The following NLRC5 variants were observed in gnomAD, a reference collection of about 807,000 sequenced individuals.
The protein encoded by NLRC5 is NLR family CARD domain containing 5.
A neutral mutation model predicts 206.9 loss-of-function variants in NLRC5; 114 were observed. The ratio of observed to expected loss-of-function variants is 0.55; its 90% CI spans 0.47 to 0.64. NLRC5 has a LOEUF of 0.64. Among genes scored for constraint, NLRC5 ranks in the 30% least tolerant of loss-of-function variants. The pLI is 0.00. For synonymous variants in NLRC5, 952 were observed against 962.8 expected, an observed-to-expected ratio of 0.99 and a Z score of 0.21; for missense variants, 2,008 against 2,305.5, an observed-to-expected ratio of 0.87 and a Z score of 2.64.
rs1411907448 is a variant in NLRC5 at position 57,026,292 on chromosome 16, G to A, written c.1349G>A (p.Gly450Glu). The change falls in exon 6 of 49, where the codon GGG becomes GAG. Residue 450 changes from glycine to glutamate, a missense_variant. By Grantham distance (98) the Gly-to-Glu change is moderately conservative (BLOSUM62 -2). Transcript: ENST00000688547. ...ATGGTGCTCGCCCTCAGCCCCCCTG[G>A]GCACTTGCCCACCTCGTCCCTACTG... Reference protein sequence around the residue: ...MQMVLALSPPGHLPTSSLLDL... With the variant: ...MQMVLALSPPEHLPTSSLLDL... The A allele has an allele frequency of 6.2e-7, 1 of 1,613,928 alleles. No individual in the cohort carries two copies. The highest frequency in any genetic ancestry group is 8.5e-7 in the Non-Finnish European group (1 of 1,180,054).
intron 38 of NLRC5, among the ~76,000 whole-genome samples, chr16:57,071,404 T>G (rs1408522470): frequency 6.8e-3 from 214 of 31,600 alleles, no homozygotes; most frequent in Admixed American, 8.6e-3. Context: ...AATGGGGAAG[T>G]GTTGTGAGTG....
At chr16:57,067,863 C>T (rs201441384) in intron 36 of NLRC5, 35 bp downstream of exon 36, 984 of 1,509,854 alleles carry the variant, frequency 6.5e-4, no homozygotes, top group Non-Finnish European at 7.5e-4. Context: ...GTCCCCTTTG[C>T]AGCTCTGCCC....
intron 10 of NLRC5, 82 bp downstream of exon 10, chr16:57,030,166 C>T: frequency 8.7e-7 from 1 of 1,146,282 alleles, no homozygotes; most frequent in Non-Finnish European, 1.3e-6. Context: ...GGAGGAGGCC[C>T]CTCGTCTGCA....
At chr16:57,058,835 C>A (rs2066034067) in intron 28 of NLRC5, 137 bp from the exon 29 acceptor site, 1 of 765,084 alleles carries the variant, frequency 1.3e-6, no homozygotes, top group Non-Finnish European at 2.3e-6. Context: ...CTCAGTGTGT[C>A]CATCTGGAGA....
chr16:57,037,062 T>A, intron 14 of NLRC5, 133 bp from the exon 15 acceptor site: 1 of 747,318 alleles, frequency 1.3e-6, no homozygotes, highest in South Asian at 1.5e-5. Flanking sequence ...TCCTTTGAGA[T>A]CCCCTGGCAA....
Position 57,046,553 on chromosome 16 carries a change from G to A in NLRC5, c.3250G>A (p.Asp1084Asn). ...ILLRGDKTSR[D>N]MWATGSLPDF... ...CTTTCTAAATGATCCCCCTCCTAGG[G>A]ATATGTGGGCCACTGGATCTTTGCC... is the stretch of plus-strand genomic sequence containing the variant. Residue 1084 changes from aspartate to asparagine, a missense_variant and splice_region_variant, in exon 22 of 49, where the codon GAT becomes AAT. By Grantham distance (23) the Asp-to-Asn change is conservative. Coordinates refer to ENST00000688547, the MANE Select transcript of NLRC5 (RefSeq NM_001384950.1). 1.2e-6 allele frequency: 2 copies of A among 1,613,630 alleles called. No homozygotes were observed. The highest frequency in any genetic ancestry group is 1.7e-6 in the Non-Finnish European group (2 of 1,179,594).
At chr16:57,077,516 C>A (rs1203905721) in intron 41 of NLRC5, 137 bp downstream of exon 41, 1 of 941,626 alleles carries the variant, frequency 1.1e-6, no homozygotes, top group Non-Finnish European at 1.6e-6. Context: ...GCTCGGTGAC[C>A]TCCTGGCCCT....
At chr16:57,001,452 C>T (rs763946978) in intron 1 of NLRC5, among the ~76,000 whole-genome samples, 78 of 152,176 alleles carry the variant, frequency 5.1e-4, no homozygotes, top group Non-Finnish European at 5.9e-4. Context: ...GGAATGGCAG[C>T]CAGAAGTCTG....
At position 57,039,792 on chromosome 16, in the gene NLRC5, A is replaced by G. The variant is rs1371187686; in HGVS notation, c.2813A>G (p.Lys938Arg). Residue 938 changes from lysine (K) to arginine (R), a missense_variant, in exon 16 of 49, where the codon AAA becomes AGA. By Grantham distance (26) the Lys-to-Arg change is conservative. Transcript: ENST00000688547. ...TTTTGTCTTCACAGCCTGCAGCACA[A>G]AACTGTGATCTTCATGTTTGCCCAG... is the stretch of plus-strand genomic sequence containing the variant. ...LAELHISLQH[K>R]TVIFMFAQEP... The G allele has an allele frequency of 1.9e-6, 3 of 1,614,168 alleles. No individual in the cohort carries two copies. Among genetic ancestry groups the G allele is most frequent in the South Asian group, 2.2e-5 (2 of 91,082 alleles).
At chr16:57,020,033 C>T (rs1299373310) in intron 2 of NLRC5, among the ~76,000 whole-genome samples, 1 of 152,068 alleles carries the variant, frequency 6.6e-6, no homozygotes, top group African/African-American at 2.4e-5. Context: ...ACAGACTGAT[C>T]TCTGGAGCTG....
rs543160580 is a variant in NLRC5, at chr16:56,993,984, A to G, written c.-128+4367A>G. On this transcript the variant is annotated intron_variant, in intron 1 of 48. Transcript: ENST00000688547. Reference sequence around the variant, plus strand: ...TTTTGTAAAAAAAAAAAAAAAAGCAAGATATGACATTTTAATTCTTCCAAT... The same window carrying G: ...TTTTGTAAAAAAAAAAAAAAAAGCAGGATATGACATTTTAATTCTTCCAAT... Among the ~76,000 whole-genome samples, 10 of 149,704 alleles carry G rather than the reference A, an allele frequency of 6.7e-5. No individual in the cohort carries two copies. The East Asian group carries it at 1.8e-3, about 27-fold the overall frequency.
At chr16:57,021,148 C>T (rs2142940278) in intron 3 of NLRC5, 141 bp downstream of exon 3, 1 of 746,950 alleles carries the variant, frequency 1.3e-6, no homozygotes, top group Admixed American at 2.9e-5. Flanking sequence ...TGGACACTTC[C>T]CAGAACAAAT....
At chr16:57,039,905 C>T in intron 16 of NLRC5, 56 bp downstream of exon 16, 1 of 1,435,656 alleles carries the variant, frequency 7.0e-7, no homozygotes, top group Non-Finnish European at 9.8e-7. Context: ...CCCCTCTCTA[C>T]CCTCCACAGC....
chr16:57,078,271 A>G (rs1489739325), intron 43 of NLRC5, among the ~76,000 whole-genome samples: 2 of 152,082 alleles, frequency 1.3e-5, no homozygotes, highest in Non-Finnish European at 2.9e-5. Context: ...TCTCAGCCTC[A>G]GTTTCTTCAC....
chr16:57,014,567 C>T (rs1309194775), intron 1 of NLRC5, among the ~76,000 whole-genome samples: 1 of 152,176 alleles, frequency 6.6e-6, no homozygotes, highest in Non-Finnish European at 1.5e-5. Flanking sequence ...CTCTAAATGA[C>T]TGCTAATATA....
chr16:57,029,825 C>T lies in NLRC5; in HGVS notation c.2296C>T (p.Leu766Phe). The change falls in exon 9 of 49, where the codon CTC becomes TTC. Residue 766 changes from leucine (L) to phenylalanine (F), a missense_variant. Leu to Phe is a conservative substitution (Grantham distance 22). Coordinates refer to ENST00000688547, the MANE Select transcript of NLRC5 (RefSeq NM_001384950.1). ...DQVVLNIVEVLPHLPRLRKLD... is the reference protein window; with the variant it reads ...DQVVLNIVEVFPHLPRLRKLD... ...GGTGGTGCTGAACATTGTGGAGGTT[C>T]TCCCTCACCTACCACGGCTCCGGAA... 1 of 1,614,146 alleles carries T rather than the reference C, an allele frequency of 6.2e-7. No individual in the cohort carries two copies. The highest frequency in any genetic ancestry group is 8.5e-7 in the Non-Finnish European group (1 of 1,180,024).
In NLRC5 at chr16:57,028,163, A is replaced by G; in HGVS notation, c.2159+8A>G. Reference sequence around the variant, plus strand: ...GAGGCTGCAGATGCTGGGGTGAGCCAGGCCTTGGAGCTGAGAAGGGTCTTC... The same window carrying G: ...GAGGCTGCAGATGCTGGGGTGAGCCGGGCCTTGGAGCTGAGAAGGGTCTTC... On this transcript the variant is annotated splice_region_variant and intron_variant, in intron 7 of 48. Coordinates refer to ENST00000688547, the MANE Select transcript of NLRC5 (RefSeq NM_001384950.1). 1 of 1,611,926 alleles carries G rather than the reference A, an allele frequency of 6.2e-7. No homozygotes were observed. Among genetic ancestry groups the G allele is most frequent in the Non-Finnish European group, 8.5e-7 (1 of 1,178,390 alleles).
chr16:57,062,992 G>T (rs193051297), intron 32 of NLRC5, among the ~76,000 whole-genome samples: 7 of 151,988 alleles, frequency 4.6e-5, no homozygotes, highest in African/African-American at 7.2e-5. Context: ...TATATGAGTG[G>T]AGTCATTTGT....
intron 2 of NLRC5, among the ~76,000 whole-genome samples, chr16:57,020,125 C>T (rs1321905426): frequency 1.3e-5 from 2 of 151,994 alleles, no homozygotes; most frequent in Non-Finnish European, 2.9e-5. Flanking sequence ...GGGACTGGTT[C>T]TTGACTGCTT....
Sources: gnomAD v4.1 joint callset for allele counts (sites outside exome capture counted in the v4.1 genomes callset) on GRCh38, gnomAD v4.1.1 for gene constraint, MANE v1.5 for transcripts, NCBI Gene and HGNC (gene_info 2026-07-23, HGNC 2026-07-21) for gene names.